The following PANX2 variants were observed in gnomAD, a reference collection of about 807,000 sequenced individuals.
PANX2 encodes pannexin-2.
PANX2 carries 30 observed loss-of-function variants against 38.7 expected under a neutral mutation model. The ratio of observed to expected loss-of-function variants is 0.78; its 90% CI spans 0.58 to 1.05. The LOEUF (loss-of-function observed/expected upper bound fraction) is 1.05, where lower values mean the gene tolerates loss of function less well. PANX2 is among the 50% of genes least tolerant of loss of function. PANX2 has a pLI of 0.00. For missense variants in PANX2, 880 were observed against 979.3 expected (o/e 0.90, Z 1.35); for synonymous variants, 539 against 472.1 (o/e 1.14, Z -1.84).
Position 50,177,518 on chromosome 22 carries a change from C to A in PANX2, c.806C>A (p.Ala269Glu). The A allele has an allele frequency of 1.2e-6, 2 of 1,609,614 alleles. No homozygotes were observed. Among genetic ancestry groups the A allele is most frequent in the Non-Finnish European group, 8.5e-7 (1 of 1,178,374 alleles). ...CALGASPDGA[A>E]GAGPAVRVSC... ...CTGGGCGCGTCCCCGGACGGGGCGG[C>A]AGGTGCGGGGCCCGCGGTGCGCGTG... Residue 269 changes from alanine to glutamate, a missense_variant, in exon 2 of 3, where the codon GCA (alanine) becomes GAA (glutamate). Physicochemically the swap from Ala to Glu is moderately radical, Grantham distance 107. Transcript: ENST00000395842.
chr22:50,177,976 G>C lies in PANX2; in HGVS notation c.1264G>C (p.Val422Leu). 6.5e-7 allele frequency: 1 copy of C among 1,535,762 alleles called. No homozygotes were observed. The highest frequency in any genetic ancestry group is 8.7e-7 in the Non-Finnish European group (1 of 1,145,470). Residue 422 changes from valine (V) to leucine (L), a missense_variant, in exon 2 of 3, where the codon GTG becomes CTG. Around this residue, in one of 4 missense-constraint regions of PANX2, gnomAD observed 445 missense variants for 404.3 expected, o/e 1.10. Coordinates refer to ENST00000395842, the MANE Select transcript of PANX2 (RefSeq NM_052839.4). Reference protein sequence around the residue: ...AEPDGAAEPPVVKRPRKKMKW... With the variant: ...AEPDGAAEPPLVKRPRKKMKW... The stretch of plus-strand genomic sequence containing the variant: ...GCCCGACGGCGCCGCCGAGCCGCCC[G>C]TGGTCAAGCGGCCGCGCAAGAAGAT...
chr22:50,179,176 C>A lies in PANX2; in HGVS notation c.1933C>A (p.Pro645Thr). The A allele has an allele frequency of 6.2e-7, 1 of 1,612,630 alleles. No individual in the cohort carries two copies. The highest frequency in any genetic ancestry group is 8.5e-7 in the Non-Finnish European group (1 of 1,179,880). The change falls in exon 3 of 3, where the codon CCG (proline) becomes ACG (threonine). Residue 645 changes from proline (P) to threonine (T), a missense_variant. Coordinates refer to ENST00000395842, the MANE Select transcript of PANX2 (RefSeq NM_052839.4). ...GGAGGAGGACGGGGGCCCCCGCCTG[C>A]CGCAGGACGTGGGGGACCTCATCGC... ...REEEDGGPRL[P>T]QDVGDLIAIP... is the part of the protein sequence containing the mutation.
At chr22:50,173,311 G>T (rs1430153869) in intron 1 of PANX2, among the ~76,000 whole-genome samples, 1 of 152,268 alleles carries the variant, frequency 6.6e-6, no homozygotes, top group Non-Finnish European at 1.5e-5. Context: ...GGGATTACAG[G>T]CATGAGCCAC....
In PANX2 at chr22:50,179,986, T is replaced by C. The variant is rs1345563380; in HGVS notation, c.*709T>C. 6.5e-6 allele frequency: 1 copy of C among 152,784 alleles called. No homozygotes were observed. Among genetic ancestry groups the C allele is most frequent in the Admixed American group, 6.5e-5 (1 of 15,326 alleles). The allele number at this position is 152,784 out of a possible 1,614,324, so 9.5% of individuals were successfully genotyped here. On this transcript the variant is annotated 3_prime_UTR_variant, in exon 3 of 3. Coordinates refer to ENST00000395842, the MANE Select transcript of PANX2 (RefSeq NM_052839.4). ...GAGCGAGCGGGTGTGTATGTACGAG[T>C]GTGCACGTGTGTGCGTGTGCACAGA... is the stretch of plus-strand genomic sequence containing the variant.
chr22:50,170,823 C>A lies in PANX2; in HGVS notation c.93C>A (p.Asp31Glu). 4 of 1,482,352 alleles carry A rather than the reference C, an allele frequency of 2.7e-6. No individual in the cohort carries two copies. The highest frequency in any genetic ancestry group is 1.3e-5 in the South Asian group (1 of 77,160). 91.8% of individuals were successfully genotyped at this position (1,482,352 alleles called of 1,614,324 possible). ...AGCTGATCCTGCCGGGCGCGCAGGACGACAAGGCGGGCGCGCTGGCCGCGC... is the reference window on the plus strand; with the variant it reads ...AGCTGATCCTGCCGGGCGCGCAGGAAGACAAGGCGGGCGCGCTGGCCGCGC... ...LRELILPGAQ[D>E]DKAGALAALL... is the part of the protein sequence containing the mutation. Residue 31 changes from aspartate (D) to glutamate (E), a missense_variant, in exon 1 of 3, where the codon GAC (aspartate) becomes GAA (glutamate). Around this residue, in one of 4 missense-constraint regions of PANX2, gnomAD observed 243 missense variants for 333.1 expected, o/e 0.73. Transcript: ENST00000395842.
chr22:50,173,848 G>C (rs958353082), intron 1 of PANX2, among the ~76,000 whole-genome samples: 4 of 152,126 alleles, frequency 2.6e-5, no homozygotes, highest in African/African-American at 9.7e-5. Flanking sequence ...CCCCACTTCT[G>C]TCCTCACATC....
chr22:50,178,815 C>T, intron 2 of PANX2, 119 bp from the exon 3 acceptor site: 3 of 833,776 alleles, frequency 3.6e-6, no homozygotes, highest in Admixed American at 5.8e-5. Context: ...CCAGGCCCAG[C>T]GTCTCCAGGG....
chr22:50,178,562 G>A (rs933904175), intron 2 of PANX2, among the ~76,000 whole-genome samples, 160 bp downstream of exon 2: 2 of 152,172 alleles, frequency 1.3e-5, no homozygotes, highest in Non-Finnish European at 2.9e-5. Flanking sequence ...GGTTTGAACC[G>A]GCTCCATCAA....
At chr22:50,174,813 C>G (rs1051400598) in intron 1 of PANX2, among the ~76,000 whole-genome samples, 1 of 152,170 alleles carries the variant, frequency 6.6e-6, no homozygotes, top group Non-Finnish European at 1.5e-5. Flanking sequence ...TGCCCCACCC[C>G]GAGTCAGGCC....
intron 1 of PANX2, among the ~76,000 whole-genome samples, chr22:50,174,886 G>A (rs2063653773): frequency 6.6e-6 from 1 of 152,236 alleles, no homozygotes; most frequent in Non-Finnish European, 1.5e-5. Context: ...GAAAGGCCCG[G>A]CTGCCAGCAC....
Position 50,177,141 on chromosome 22 carries a change from G to A in PANX2, c.429G>A (p.Glu143=). ...TGTACGTGCCCGCGCTGGGCTGGGAGTTCCTGGCCTCCACGCGCCTCACCT... is the reference window on the plus strand; with the variant it reads ...TGTACGTGCCCGCGCTGGGCTGGGAATTCCTGGCCTCCACGCGCCTCACCT... The part of the protein sequence containing the change: ...AIMYVPALGW[E]FLASTRLTSE... Residue 143 remains glutamate (E), a synonymous_variant, in exon 2 of 3, where the codon GAG becomes GAA. Transcript: ENST00000395842. 1 of 1,607,634 alleles carries A rather than the reference G, an allele frequency of 6.2e-7. No individual in the cohort carries two copies. Among genetic ancestry groups the A allele is most frequent in the Non-Finnish European group, 8.5e-7 (1 of 1,177,138 alleles).
chr22:50,175,390 G>C, intron 1 of PANX2: 1 of 1,170,956 alleles, frequency 8.5e-7, no homozygotes, highest in Non-Finnish European at 1.1e-6. Context: ...GATGGGCCCA[G>C]CTCAGGACGG....
intron 1 of PANX2, 29 bp downstream of exon 1, chr22:50,170,985 C>T (rs781344999): frequency 1.5e-6 from 2 of 1,320,696 alleles, no homozygotes; most frequent in Non-Finnish European, 2.0e-6. Context: ...GCGCGGGGCG[C>T]GGGCAGAGGG....
intron 1 of PANX2, 125 bp from the exon 2 acceptor site, chr22:50,176,814 T>G: frequency 2.0e-6 from 2 of 1,024,386 alleles, no homozygotes; most frequent in Non-Finnish European, 2.7e-6. Context: ...GCAGGTGCTG[T>G]GTGGGAGGAG....
At chr22:50,175,537 C>T (rs1168736074) in intron 1 of PANX2, 11 of 990,118 alleles carry the variant, frequency 1.1e-5, no homozygotes, top group South Asian at 2.9e-5. Flanking sequence ...TTGCCTTGTC[C>T]GGTTTGCTCT....
intron 1 of PANX2, among the ~76,000 whole-genome samples, chr22:50,172,928 G>A (rs1289388894): frequency 4.6e-5 from 6 of 130,684 alleles, no homozygotes; most frequent in African/African-American, 8.9e-5. Flanking sequence ...ACAGAGTCTC[G>A]CTCTGTCACC....
At position 50,177,527 on chromosome 22, in the gene PANX2, G is replaced by A. The variant is rs1368083532; in HGVS notation, c.815G>A (p.Gly272Glu). Reference sequence around the variant, plus strand: ...TCCCCGGACGGGGCGGCAGGTGCGGGGCCCGCGGTGCGCGTGAGCTGCAAG... The same window carrying A: ...TCCCCGGACGGGGCGGCAGGTGCGGAGCCCGCGGTGCGCGTGAGCTGCAAG... ...GASPDGAAGA[G>E]PAVRVSCKLP... Residue 272 changes from glycine to glutamate, a missense_variant, in exon 2 of 3, where the codon GGG becomes GAG. By Grantham distance (98) the Gly-to-Glu change is moderately conservative. Around this residue, in one of 4 missense-constraint regions of PANX2, gnomAD observed 114 missense variants for 108.8 expected, o/e 1.05. Transcript: ENST00000395842. 1 of 1,609,936 alleles carries A rather than the reference G, an allele frequency of 6.2e-7. No homozygotes were observed.
chr22:50,172,350 T>C (rs1203721216), intron 1 of PANX2, among the ~76,000 whole-genome samples: 1 of 152,252 alleles, frequency 6.6e-6, no homozygotes, highest in Admixed American at 6.5e-5. Flanking sequence ...CTGCCGGCAA[T>C]CCTTGGGCGC....
At position 50,178,041 on chromosome 22, in the gene PANX2, C is replaced by T. The variant is rs1303404876; in HGVS notation, c.1329C>T (p.Phe443=). 4 of 1,550,708 alleles carry T rather than the reference C, an allele frequency of 2.6e-6. No homozygotes were observed. The highest frequency in any genetic ancestry group is 1.9e-5 in the Admixed American group (1 of 52,390). The change falls in exon 2 of 3, where the codon TTC becomes TTT. Residue 443 remains phenylalanine (F), a synonymous_variant. Transcript: ENST00000395842. ...CCAGCAACCCGCTTCCGCAGCCCTTCAAGGAGCCGCTGGCCATCATGCGCG... is the reference window on the plus strand; with the variant it reads ...CCAGCAACCCGCTTCCGCAGCCCTTTAAGGAGCCGCTGGCCATCATGCGCG... The part of the protein sequence containing the change: ...IPTSNPLPQP[F]KEPLAIMRVE...
Sources: gnomAD v4.1 joint callset for allele counts (sites outside exome capture counted in the v4.1 genomes callset) on GRCh38, gnomAD v4.1.1 for gene constraint, gnomAD v4.1.1 regional missense constraint, MANE v1.5 for transcripts, NCBI Gene and HGNC (gene_info 2026-07-23, HGNC 2026-07-21) for gene names.